Variants in ICE2 observed in about 807,000 individuals in gnomAD.
ICE2 encodes little elongation complex subunit 2.
In ICE2, 87 loss-of-function variants were observed where a neutral mutation model predicts 105.4. The observed-to-expected ratio is 0.83, with a 90% CI of 0.69 to 0.99. The LOEUF is 0.99. Among genes scored for constraint, ICE2 ranks in the 50% least tolerant of loss-of-function variants. The pLI is 0.00. For missense variants in ICE2, 1,323 were observed against 1,146.7 expected (o/e 1.15, Z -2.22); for synonymous variants, 399 against 392.0 (o/e 1.02, Z -0.21).
At chr15:60,454,267 A>G (rs1277681775) in intron 8 of ICE2, among the ~76,000 whole-genome samples, 2 of 152,218 alleles carry the variant, frequency 1.3e-5, no homozygotes, top group African/African-American at 4.8e-5. Context: ...AGGAATATGC[A>G]AATATTAATT....
At chr15:60,435,199 T>G (rs983439463) in intron 13 of ICE2, among the ~76,000 whole-genome samples, 1 of 152,026 alleles carries the variant, frequency 6.6e-6, no homozygotes, top group East Asian at 1.9e-4. Context: ...GAGAATGGCA[T>G]GAACCCGGGA....
intron 5 of ICE2, among the ~76,000 whole-genome samples, chr15:60,466,388 T>C (rs191909378): frequency 1.0e-3 from 156 of 152,342 alleles, no homozygotes; most frequent in Non-Finnish European, 1.1e-3. Context: ...TTAAAGAATA[T>C]AAATATACAT....
intron 1 of ICE2, chr15:60,478,633 G>A (rs1454738237): frequency 6.1e-6 from 2 of 327,882 alleles, no homozygotes; most frequent in African/African-American, 2.2e-5. Flanking sequence ...GTGACCCCAG[G>A]CAGACTGATA....
chr15:60,469,258 G>A (rs1233029866), intron 3 of ICE2, among the ~76,000 whole-genome samples: 1 of 152,126 alleles, frequency 6.6e-6, no homozygotes, highest in African/African-American at 2.4e-5. Flanking sequence ...GAGAACACAT[G>A]GACACAGGGA....
chr15:60,453,505 T>C, intron 9 of ICE2, 98 bp downstream of exon 9: 1 of 1,503,634 alleles, frequency 6.7e-7, no homozygotes, highest in Non-Finnish European at 8.9e-7. Context: ...AAAGCCTGTA[T>C]TTTTAACTAC....
At position 60,449,379 on chromosome 15, in the gene ICE2, T is replaced by C. The variant is rs1220648036; in HGVS notation, c.1588A>G (p.Met530Val). Residue 530 changes from methionine (M) to valine (V), a missense_variant, in exon 10 of 16, where the codon ATG (methionine) becomes GTG (valine). By Grantham distance (21) the Met-to-Val change is conservative. Coordinates refer to ENST00000261520, the MANE Select transcript of ICE2 (RefSeq NM_024611.6). ...TCAGCATGTAATATATCTATAGTCATATCATTTTTATTAGAAGTTTCAATT... is the reference window on the plus strand; with the variant it reads ...TCAGCATGTAATATATCTATAGTCACATCATTTTTATTAGAAGTTTCAATT... The part of the protein sequence containing the change: ...QEIETSNKND[M>V]TIDILHADGE... 5 of 1,613,018 alleles carry C rather than the reference T, an allele frequency of 3.1e-6. No individual in the cohort carries two copies. Among genetic ancestry groups the C allele is most frequent in the Non-Finnish European group, 4.2e-6 (5 of 1,179,420 alleles).
chr15:60,478,320 G>C (rs1213443221), intron 1 of ICE2, among the ~76,000 whole-genome samples: 1 of 152,160 alleles, frequency 6.6e-6, no homozygotes, highest in African/African-American at 2.4e-5. Flanking sequence ...GAAACAGAAC[G>C]GTGTTCTCAT....
chr15:60,444,336 A>C (rs1290746519), intron 11 of ICE2, among the ~76,000 whole-genome samples: 1 of 152,184 alleles, frequency 6.6e-6, no homozygotes, highest in Non-Finnish European at 1.5e-5. Flanking sequence ...AAACCAGTTT[A>C]ATTTCTGTAT....
intron 13 of ICE2, among the ~76,000 whole-genome samples, chr15:60,434,417 G>A (rs2063533700): frequency 6.6e-6 from 1 of 152,012 alleles, no homozygotes; most frequent in South Asian, 2.1e-4. Flanking sequence ...AAGTAAAAAG[G>A]CTGGTGCCAC....
chr15:60,455,533 G>C (rs2064083867), intron 6 of ICE2, 91 bp from the exon 7 acceptor site: 1 of 758,252 alleles, frequency 1.3e-6, no homozygotes, highest in African/African-American at 1.8e-5. Flanking sequence ...CTCTTAACTT[G>C]AACTTTATAA....
At chr15:60,450,003 A>G (rs1482109975) in intron 9 of ICE2, among the ~76,000 whole-genome samples, 162 bp from the exon 10 acceptor site, 2 of 152,176 alleles carry the variant, frequency 1.3e-5, no homozygotes, top group Admixed American at 6.5e-5. Context: ...ACAAACTACT[A>G]CCAGCTATTA....
At chr15:60,464,921 T>C (rs2064380179) in intron 5 of ICE2, among the ~76,000 whole-genome samples, 1 of 152,140 alleles carries the variant, frequency 6.6e-6, no homozygotes, top group East Asian at 1.9e-4. Context: ...GGAGGATCAC[T>C]TGAACCCAGG....
intron 2 of ICE2, 148 bp downstream of exon 2, chr15:60,477,789 G>A (rs565950834): frequency 1.4e-6 from 1 of 696,042 alleles, no homozygotes; most frequent in Non-Finnish European, 2.6e-6. Flanking sequence ...TTCCGTATGT[G>A]AAGATGAGGA....
intron 12 of ICE2, chr15:60,440,907 T>C (rs988529004): frequency 1.3e-5 from 2 of 152,156 alleles, no homozygotes; most frequent in East Asian, 1.9e-4. Context: ...CACAAGAGGA[T>C]AGGATTCACA....
In ICE2 at chr15:60,479,113, G is replaced by A. The variant is rs1423987347; in HGVS notation, c.-203C>T. 2.3e-6 allele frequency: 1 copy of A among 427,668 alleles called. No homozygotes were observed. The highest frequency in any genetic ancestry group is 4.8e-6 in the Non-Finnish European group (1 of 206,202). The allele number at this position is 427,668 out of a possible 1,614,324, so 26.5% of individuals were successfully genotyped here. A position where few individuals can be genotyped will look rare whatever the true frequency, so the allele number is the denominator to read the frequency against. On this transcript the variant is annotated 5_prime_UTR_variant, in exon 1 of 16. Coordinates refer to ENST00000261520, the MANE Select transcript of ICE2 (RefSeq NM_024611.6). ...AAAAAAGACCATATTTAAAGGATGT[G>A]GCCGCGCCGACTCGGCCCTGCGTGA...
At chr15:60,445,922 T>G in intron 11 of ICE2, 1 of 234,488 alleles carries the variant, frequency 4.3e-6, no homozygotes, top group Non-Finnish European at 7.0e-6. Flanking sequence ...TCTATAGGAC[T>G]GATACTATAT....
At chr15:60,431,562 C>G (rs906378135) in intron 14 of ICE2, among the ~76,000 whole-genome samples, 1 of 152,062 alleles carries the variant, frequency 6.6e-6, no homozygotes, top group Admixed American at 6.5e-5. Context: ...TCCTTAGTCT[C>G]CAGAAAGGAC....
In ICE2 at chr15:60,455,410, G is replaced by A. The variant is rs1204667566; in HGVS notation, c.699C>T (p.Pro233=). Residue 233 remains proline, a synonymous_variant, in exon 7 of 16, where the codon CCC becomes CCT. Coordinates refer to ENST00000261520, the MANE Select transcript of ICE2 (RefSeq NM_024611.6). ...ACAGCTGCAACTTTATAGGCATTGA[G>A]GGAAATACTGTTTTCACATATTTTA... ...GSVKYVKTVF[P]SMPIKLQLSK... is the part of the protein sequence containing the mutation. 6.2e-7 allele frequency: 1 copy of A among 1,613,318 alleles called. No homozygotes were observed.
At chr15:60,424,182 G>A (rs2063288568) in intron 15 of ICE2, among the ~76,000 whole-genome samples, 1 of 151,966 alleles carries the variant, frequency 6.6e-6, no homozygotes, top group Non-Finnish European at 1.5e-5. Flanking sequence ...GGTAAACAGG[G>A]AGAAGAAATT....
Sources: gnomAD v4.1 joint callset for allele counts (sites outside exome capture counted in the v4.1 genomes callset) on GRCh38, gnomAD v4.1.1 for gene constraint, MANE v1.5 for transcripts, NCBI Gene and HGNC (gene_info 2026-07-23, HGNC 2026-07-21) for gene names.